The following LRRC4C variants were observed in gnomAD, a reference collection of about 807,000 sequenced individuals.
LRRC4C encodes leucine rich repeat containing 4C.
A neutral mutation model predicts 33.6 loss-of-function variants in LRRC4C; 5 were observed. The observed-to-expected ratio is 0.15, with a 90% CI of 0.08 to 0.31. LRRC4C has a LOEUF of 0.31. LRRC4C is among the 10% of genes least tolerant of loss of function. The pLI, the probability that LRRC4C is intolerant of heterozygous loss-of-function variation, is 1.00. For synonymous variants in LRRC4C, 329 were observed against 302.0 expected (o/e 1.09, Z -0.93); for missense variants, 560 against 796.7 (o/e 0.70, Z 3.58).
At chr11:41,250,925 A>T (rs1337837833) in intron 1 of LRRC4C, among the ~76,000 whole-genome samples, 2 of 152,216 alleles carry the variant, frequency 1.3e-5, no homozygotes, top group Non-Finnish European at 2.9e-5. Flanking sequence ...AGCAAATTTT[A>T]AAAAATATTT....
At chr11:41,288,594 G>A (rs1949902753) in intron 1 of LRRC4C, among the ~76,000 whole-genome samples, 1 of 152,158 alleles carries the variant, frequency 6.6e-6, no homozygotes, top group African/African-American at 2.4e-5. Context: ...ATGGTAATAA[G>A]TGGTTGAACT....
chr11:41,344,292 T>C (rs1951733363), intron 1 of LRRC4C, among the ~76,000 whole-genome samples: 1 of 148,888 alleles, frequency 6.7e-6, no homozygotes, highest in Non-Finnish European at 1.5e-5. Flanking sequence ...AGTGGTGCAG[T>C]CTCTGCTCGC....
chr11:40,961,775 A>C (rs537209849), intron 1 of LRRC4C, among the ~76,000 whole-genome samples: 4 of 151,678 alleles, frequency 2.6e-5, no homozygotes, highest in African/African-American at 9.7e-5. Flanking sequence ...AAAAATCTAT[A>C]AGAACTTCCT....
At chr11:41,233,167 T>C (rs1947875676) in intron 1 of LRRC4C, among the ~76,000 whole-genome samples, 1 of 152,032 alleles carries the variant, frequency 6.6e-6, no homozygotes, top group African/African-American at 2.4e-5. Context: ...CAAGGTATTT[T>C]TACCACTACT....
At chr11:41,302,284 G>T (rs1950308909) in intron 1 of LRRC4C, among the ~76,000 whole-genome samples, 1 of 152,196 alleles carries the variant, frequency 6.6e-6, no homozygotes, top group Non-Finnish European at 1.5e-5. Flanking sequence ...CCTTATTGAA[G>T]TGTTAATATA....
chr11:41,022,851 G>A (rs1264859651), intron 1 of LRRC4C, among the ~76,000 whole-genome samples: 2 of 151,832 alleles, frequency 1.3e-5, no homozygotes, highest in African/African-American at 2.4e-5. Context: ...GCCTCAAAAC[G>A]AAGAGAACAC....
chr11:40,184,717 A>C (rs1861273418), intron 5 of LRRC4C, among the ~76,000 whole-genome samples: 1 of 152,200 alleles, frequency 6.6e-6, no homozygotes, highest in African/African-American at 2.4e-5. Flanking sequence ...CCATTTCTTC[A>C]CTATCTCGAA....
At chr11:40,924,015 G>A (rs1957301424) in intron 2 of LRRC4C, among the ~76,000 whole-genome samples, 1 of 150,184 alleles carries the variant, frequency 6.7e-6, no homozygotes, top group South Asian at 2.1e-4. Flanking sequence ...AGTAATTAAA[G>A]GAAATAAAGT....
At chr11:40,833,870 G>A (rs1276940189) in intron 2 of LRRC4C, among the ~76,000 whole-genome samples, 1 of 152,118 alleles carries the variant, frequency 6.6e-6, no homozygotes, top group Non-Finnish European at 1.5e-5. Context: ...CTGTTCTGCG[G>A]ATACACAGAA....
At chr11:40,512,989 C>T (rs994494456) in intron 3 of LRRC4C, among the ~76,000 whole-genome samples, 4 of 152,064 alleles carry the variant, frequency 2.6e-5, no homozygotes, top group Non-Finnish European at 5.9e-5. Flanking sequence ...GTGGCTCATG[C>T]CTGTAATCCC....
At chr11:40,927,829 GT>G (rs1430968985) in intron 2 of LRRC4C, among the ~76,000 whole-genome samples, 1 of 152,152 alleles carries the variant, frequency 6.6e-6, no homozygotes. Context: ...TCACTTAGGT[GT>G]TTCACACAGA....
intron 2 of LRRC4C, among the ~76,000 whole-genome samples, chr11:40,802,954 T>C (rs1420167664): frequency 6.6e-6 from 1 of 152,174 alleles, no homozygotes; most frequent in Non-Finnish European, 1.5e-5. Context: ...CTTAAAAACC[T>C]TGCAAGAGAA....
chr11:40,171,936 G>GCTT (rs71060945), intron 5 of LRRC4C, among the ~76,000 whole-genome samples: 26 of 152,158 alleles, frequency 1.7e-4, no homozygotes, highest in Non-Finnish European at 3.1e-4. Flanking sequence ...CAGGAGAATT[G>GCTT]AACTCAGGAG....
chr11:40,461,077 G>A (rs1383192018), intron 3 of LRRC4C, among the ~76,000 whole-genome samples: 3 of 152,088 alleles, frequency 2.0e-5, no homozygotes, highest in African/African-American at 7.2e-5. Flanking sequence ...GATGGGTATA[G>A]GTTTAAATAA....
At chr11:40,993,415 A>T (rs1415321292) in intron 1 of LRRC4C, among the ~76,000 whole-genome samples, 1 of 152,212 alleles carries the variant, frequency 6.6e-6, no homozygotes, top group East Asian at 1.9e-4. Context: ...AATTAAGAAA[A>T]GTTCTAGTGG....
intron 1 of LRRC4C, among the ~76,000 whole-genome samples, chr11:41,160,080 G>T (rs1944401250): frequency 6.6e-6 from 1 of 151,958 alleles, no homozygotes; most frequent in Admixed American, 6.6e-5. Context: ...ATTACAAAGT[G>T]GTTACATCCA....
intron 1 of LRRC4C, among the ~76,000 whole-genome samples, chr11:41,071,619 T>C (rs1800460135): frequency 6.6e-6 from 1 of 152,140 alleles, no homozygotes; most frequent in Admixed American, 6.6e-5. Flanking sequence ...GATAAAGATA[T>C]ACAAGGAGAT....
At chr11:41,247,916 G>A (rs563730420) in intron 1 of LRRC4C, among the ~76,000 whole-genome samples, 1 of 152,108 alleles carries the variant, frequency 6.6e-6, no homozygotes, top group African/African-American at 2.4e-5. Flanking sequence ...ACATTTTTCT[G>A]TTGGCAAAGA....
chr11:41,198,526 G>A (rs554490692), intron 1 of LRRC4C, among the ~76,000 whole-genome samples: 2 of 152,076 alleles, frequency 1.3e-5, no homozygotes, highest in South Asian at 4.1e-4. Context: ...ATTTGAGAAT[G>A]TAATGACAAG....
Sources: allele counts gnomAD v4.1 joint callset (sites outside exome capture counted in the v4.1 genomes callset), GRCh38; gene constraint gnomAD v4.1.1; transcripts MANE v1.5; gene names NCBI Gene and HGNC (gene_info 2026-07-23, HGNC 2026-07-21).